The following GALNT18 variants were observed in gnomAD, a reference collection of about 807,000 sequenced individuals.
The protein encoded by GALNT18 is polypeptide N-acetylgalactosaminyltransferase 18.
In GALNT18, 44 loss-of-function variants were observed where a neutral mutation model predicts 69.5. The ratio of observed to expected loss-of-function variants is 0.63; its 90% CI spans 0.50 to 0.81. GALNT18 has a LOEUF of 0.81. Among genes scored for constraint, GALNT18 ranks in the 40% least tolerant of loss-of-function variants. The pLI is 0.00. For synonymous variants in GALNT18, 364 were observed against 318.2 expected (o/e 1.14, Z -1.53); for missense variants, 715 against 810.0 (o/e 0.88, Z 1.42).
intron 1 of GALNT18, among the ~76,000 whole-genome samples, chr11:11,532,623 G>A (rs2133944112): frequency 6.6e-6 from 1 of 152,368 alleles, no homozygotes; most frequent in Non-Finnish European, 1.5e-5. Context: ...GCTGGTCAAT[G>A]CCTGTGCTCA....
intron 6 of GALNT18, among the ~76,000 whole-genome samples, chr11:11,353,743 C>T (rs934935206): frequency 3.9e-5 from 6 of 152,110 alleles, no homozygotes; most frequent in South Asian, 2.1e-4. Context: ...ACTCTTTAAA[C>T]GAGTGTCCAA....
At position 11,309,432 on chromosome 11, in the gene GALNT18, C is replaced by CTT. The variant is rs1031470341; in HGVS notation, c.1513-16241_1513-16240dup. Among the ~76,000 whole-genome samples, 27 of 151,666 alleles carry CTT rather than the reference C, an allele frequency of 1.8e-4. No individual in the cohort carries two copies. Among genetic ancestry groups the CTT allele is most frequent in the African/African-American group, 5.6e-4 (23 of 41,388 alleles). ...ATAATTTTCTTTCTTTCCTTCTATA[C>CTT]TTACCACTCTTTCCTGACCTCTCCC... is the stretch of plus-strand genomic sequence containing the variant. On this transcript the variant is annotated intron_variant, in intron 9 of 10. Coordinates refer to ENST00000227756, the MANE Select transcript of GALNT18 (RefSeq NM_198516.3). This position sits in a 1 kb window ranked among gnomAD's most constrained non-coding sequence, Gnocchi z 4.6.
At chr11:11,508,508 C>A (rs745466426) in intron 1 of GALNT18, among the ~76,000 whole-genome samples, 33 of 152,220 alleles carry the variant, frequency 2.2e-4, no homozygotes, top group Non-Finnish European at 3.8e-4. Context: ...AAAAGTACTT[C>A]ATTCGTTTGT....
At position 11,584,373 on chromosome 11, in the gene GALNT18, G is replaced by A. The variant is rs1000753066; in HGVS notation, c.235+36986C>T. ...TAAAGTCTTGGAAAAGTAAATCAAAGTAAACAGGAACCTTGGAGCCATCAG... is the reference window on the plus strand; with the variant it reads ...TAAAGTCTTGGAAAAGTAAATCAAAATAAACAGGAACCTTGGAGCCATCAG... On this transcript the variant is annotated intron_variant, in intron 1 of 10. Transcript: ENST00000227756. This position sits in a 1 kb window ranked among gnomAD's most constrained non-coding sequence, Gnocchi z 4.1. Among the ~76,000 whole-genome samples the A allele has an allele frequency of 2.0e-5, 3 of 152,186 alleles. No individual in the cohort carries two copies. The highest frequency in any genetic ancestry group is 4.8e-5 in the African/African-American group (2 of 41,442).
At chr11:11,378,629 C>T (rs1454682029) in intron 4 of GALNT18, among the ~76,000 whole-genome samples, 1 of 152,228 alleles carries the variant, frequency 6.6e-6, no homozygotes, top group East Asian at 1.9e-4. Flanking sequence ...AAGCCCAGGG[C>T]ACCTGTGACA....
intron 1 of GALNT18, among the ~76,000 whole-genome samples, chr11:11,532,015 C>T (rs541420563): frequency 3.9e-5 from 6 of 152,090 alleles, no homozygotes; most frequent in African/African-American, 9.7e-5. Context: ...TAGGATACAC[C>T]TTTTTCCTGA....
intron 9 of GALNT18, among the ~76,000 whole-genome samples, chr11:11,325,057 C>T (rs1452741803): frequency 6.6e-6 from 1 of 152,198 alleles, no homozygotes; most frequent in Admixed American, 6.5e-5. Flanking sequence ...CATGCACATG[C>T]ATGTTTATAG....
chr11:11,542,332 C>T lies in GALNT18; in HGVS notation c.235+79027G>A, dbSNP rs12282538. On this transcript the variant is annotated intron_variant, in intron 1 of 10. Transcript: ENST00000227756. The surrounding 1 kb of genome is among the most constrained non-coding windows in gnomAD (Gnocchi z 4.3). Reference sequence around the variant, plus strand: ...AGAGCAAGCCATGGACAGACGCCTCCATGCTACCATAGCAACCTGGACCTC... The same window carrying T: ...AGAGCAAGCCATGGACAGACGCCTCTATGCTACCATAGCAACCTGGACCTC... Among the ~76,000 whole-genome samples the T allele has an allele frequency of 0.017, 2,532 of 152,310 alleles. 34 individuals carry two copies. The highest frequency in any genetic ancestry group is 0.026 in the Non-Finnish European group (1,774 of 68,032).
chr11:11,418,766 G>A (rs1332475139), intron 3 of GALNT18, among the ~76,000 whole-genome samples: 1 of 152,234 alleles, frequency 6.6e-6, no homozygotes, highest in Non-Finnish European at 1.5e-5. Context: ...TTGAATGAAT[G>A]AGTCCAGCTA....
At position 11,377,707 on chromosome 11, in the gene GALNT18, G is replaced by A. The variant is rs1853803644; in HGVS notation, c.780-328C>T. 6.6e-6 allele frequency among the ~76,000 whole-genome samples: 1 copy of A among 151,704 alleles called. No homozygotes were observed. ...ATCAAGACTCAAAAAAGAAGAAAAA[G>A]AAGAAAGAAACAGATCTGAGGCTCC... On this transcript the variant is annotated intron_variant, in intron 4 of 10. Transcript: ENST00000227756. The surrounding 1 kb of genome is among the most constrained non-coding windows in gnomAD (Gnocchi z 4.6).
In GALNT18 at chr11:11,461,915, T is replaced by C. The variant is rs1471663038; in HGVS notation, c.236-12979A>G. On this transcript the variant is annotated intron_variant, in intron 1 of 10. Coordinates refer to ENST00000227756, the MANE Select transcript of GALNT18 (RefSeq NM_198516.3). This position sits in a 1 kb window ranked among gnomAD's most constrained non-coding sequence, Gnocchi z 4.1. ...GAAGCTGCAAAAATCATATGTACCT[T>C]TCATCTGTAATATTACTCTATCATG... is the stretch of plus-strand genomic sequence containing the variant. Among the ~76,000 whole-genome samples the C allele has an allele frequency of 1.3e-5, 2 of 152,204 alleles. No individual in the cohort carries two copies. The highest frequency in any genetic ancestry group is 4.8e-5 in the African/African-American group (2 of 41,450).
At chr11:11,593,955 A>G (rs946902306) in intron 1 of GALNT18, among the ~76,000 whole-genome samples, 2 of 152,170 alleles carry the variant, frequency 1.3e-5, no homozygotes, top group African/African-American at 4.8e-5. Context: ...GTGGATTCAT[A>G]GAGATTTAGA....
In GALNT18 at chr11:11,613,013, C is replaced by T. The variant is rs1859950955; in HGVS notation, c.235+8346G>A. Among the ~76,000 whole-genome samples, 1 of 152,154 alleles carries T rather than the reference C, an allele frequency of 6.6e-6. No homozygotes were observed. The highest frequency in any genetic ancestry group is 1.5e-5 in the Non-Finnish European group (1 of 68,040). On this transcript the variant is annotated intron_variant, in intron 1 of 10. Transcript: ENST00000227756. The surrounding 1 kb of genome is among the most constrained non-coding windows in gnomAD (Gnocchi z 4.2). ...TGGTGGCTGGACACTCAGGGGTTTC[C>T]ACTAGCATCATTAAGGACAGCTTCA...
chr11:11,392,235 G>A (rs1257551108), intron 3 of GALNT18, among the ~76,000 whole-genome samples: 3 of 152,192 alleles, frequency 2.0e-5, no homozygotes, highest in Non-Finnish European at 4.4e-5. Context: ...TGGATTCATG[G>A]CACATGGGAC....
rs549841682 is a variant in GALNT18, at chr11:11,605,971, T to G, written c.235+15388A>C. On this transcript the variant is annotated intron_variant, in intron 1 of 10. Transcript: ENST00000227756. This position sits in a 1 kb window ranked among gnomAD's most constrained non-coding sequence, Gnocchi z 4.7. ...TTGATTAAATCTTGACACAGTAATGTCAGCTGTGAGGGGCTATGAGAGAGA... is the reference window on the plus strand; with the variant it reads ...TTGATTAAATCTTGACACAGTAATGGCAGCTGTGAGGGGCTATGAGAGAGA... Among the ~76,000 whole-genome samples, 3 of 152,250 alleles carry G rather than the reference T, an allele frequency of 2.0e-5. No individual in the cohort carries two copies. The highest frequency in any genetic ancestry group is 7.2e-5 in the African/African-American group (3 of 41,540).
intron 1 of GALNT18, among the ~76,000 whole-genome samples, chr11:11,567,442 T>A (rs1488919560): frequency 6.6e-6 from 1 of 152,226 alleles, no homozygotes; most frequent in Non-Finnish European, 1.5e-5. Context: ...TGATTTTTCA[T>A]CTGTCAAAGT....
chr11:11,340,538 G>A lies in GALNT18; in HGVS notation c.1278+281C>T, dbSNP rs1407759776. Among the ~76,000 whole-genome samples the A allele has an allele frequency of 4.6e-5, 7 of 152,192 alleles. No individual in the cohort carries two copies. The highest frequency in any genetic ancestry group is 7.3e-5 in the Non-Finnish European group (5 of 68,038). On this transcript the variant is annotated intron_variant, in intron 7 of 10. Transcript: ENST00000227756. This position sits in a 1 kb window ranked among gnomAD's most constrained non-coding sequence, Gnocchi z 4.2. ...ACCTGGGAGCATGAAGGAAACTTGA[G>A]CTACCTGTCCAACTTTCTCATTTAA...
intron 9 of GALNT18, among the ~76,000 whole-genome samples, chr11:11,308,140 T>C (rs1849609604): frequency 6.6e-6 from 1 of 152,178 alleles, no homozygotes; most frequent in Non-Finnish European, 1.5e-5. Flanking sequence ...GAAGACTCCC[T>C]GGAAGAAAAA....
chr11:11,593,658 G>A (rs768650874), intron 1 of GALNT18, among the ~76,000 whole-genome samples: 1 of 152,110 alleles, frequency 6.6e-6, no homozygotes, highest in South Asian at 2.1e-4. Flanking sequence ...GTCCAATATG[G>A]TGGCTCATGC....
Sources: allele counts gnomAD v4.1 joint callset (sites outside exome capture counted in the v4.1 genomes callset), GRCh38; gene constraint gnomAD v4.1.1; non-coding constraint Gnocchi (gnomAD v3.1); transcripts MANE v1.5; gene names NCBI Gene and HGNC (gene_info 2026-07-23, HGNC 2026-07-21).